The following LRRC4C variants were observed in gnomAD, a reference collection of about 807,000 sequenced individuals.
The protein encoded by LRRC4C is leucine-rich repeat-containing protein 4C.
In LRRC4C, 5 loss-of-function variants were observed where a neutral mutation model predicts 33.6. The observed-to-expected ratio is 0.15, with a 90% CI of 0.08 to 0.31. LRRC4C has a LOEUF of 0.31. Ranked by LOEUF, LRRC4C falls within the 10% of genes least tolerant of loss-of-function variation. LRRC4C has a pLI of 1.00. For missense variants in LRRC4C, 560 were observed against 796.7 expected (o/e 0.70, Z 3.58); for synonymous variants, 329 against 302.0 (o/e 1.09, Z -0.93).
At chr11:40,961,676 A>G (rs1313448491) in intron 1 of LRRC4C, among the ~76,000 whole-genome samples, 1 of 151,690 alleles carries the variant, frequency 6.6e-6, no homozygotes, top group Admixed American at 6.6e-5. Context: ...AGTTCATCAC[A>G]TATAATGGTC....
chr11:40,373,532 A>T (rs902198756), intron 3 of LRRC4C, among the ~76,000 whole-genome samples: 1 of 152,182 alleles, frequency 6.6e-6, no homozygotes, highest in African/African-American at 2.4e-5. Flanking sequence ...AATGAAAAAA[A>T]GTCCAAATAA....
intron 1 of LRRC4C, among the ~76,000 whole-genome samples, chr11:41,304,670 T>TG (rs1950418734): frequency 2.2e-5 from 2 of 92,642 alleles, no homozygotes; most frequent in African/African-American, 4.3e-5. Flanking sequence ...GGGAGGGAGG[T>TG]TGGGGGGTCA....
intron 2 of LRRC4C, among the ~76,000 whole-genome samples, chr11:40,908,902 C>T (rs928368986): frequency 6.6e-6 from 1 of 152,130 alleles, no homozygotes; most frequent in African/African-American, 2.4e-5. Context: ...TAGCAAAGCA[C>T]TGGGCTGGGT....
intron 2 of LRRC4C, among the ~76,000 whole-genome samples, chr11:40,866,371 A>G (rs1453785936): frequency 6.6e-6 from 1 of 152,218 alleles, no homozygotes; most frequent in Non-Finnish European, 1.5e-5. Flanking sequence ...TGGGCAAAGC[A>G]TTAAATGTTA....
At chr11:41,213,589 A>G (rs1298416635) in intron 1 of LRRC4C, among the ~76,000 whole-genome samples, 2 of 152,232 alleles carry the variant, frequency 1.3e-5, no homozygotes, top group African/African-American at 4.8e-5. Flanking sequence ...GAGTGATCAC[A>G]TTACGTTTTT....
chr11:40,666,748 A>C (rs4237681), intron 2 of LRRC4C, among the ~76,000 whole-genome samples: 79,955 of 151,718 alleles, frequency 0.53, 22,381 homozygotes, highest in East Asian at 0.71. Flanking sequence ...AGAAAAGAGC[A>C]ATTAGAAAAT....
intron 1 of LRRC4C, among the ~76,000 whole-genome samples, chr11:41,369,356 T>A (rs1401547763): frequency 6.6e-6 from 1 of 151,872 alleles, no homozygotes; most frequent in Non-Finnish European, 1.5e-5. Flanking sequence ...GAAAGATGAA[T>A]GACACACACT....
chr11:41,269,199 C>T (rs577378665), intron 1 of LRRC4C, among the ~76,000 whole-genome samples: 1 of 152,026 alleles, frequency 6.6e-6, no homozygotes, highest in African/African-American at 2.4e-5. Flanking sequence ...TTTTAATGGG[C>T]AAATTACAAT....
At chr11:40,569,255 G>T (rs1292632581) in intron 3 of LRRC4C, among the ~76,000 whole-genome samples, 2 of 152,098 alleles carry the variant, frequency 1.3e-5, no homozygotes, top group Non-Finnish European at 2.9e-5. Flanking sequence ...TGAATGGACA[G>T]CCTGAATTTA....
intron 6 of LRRC4C, among the ~76,000 whole-genome samples, chr11:40,136,276 T>C (rs543686932): frequency 9.9e-5 from 15 of 152,166 alleles, no homozygotes; most frequent in African/African-American, 3.6e-4. Context: ...TTTTTTCTTT[T>C]TCTTTTTGAT....
intron 1 of LRRC4C, among the ~76,000 whole-genome samples, chr11:41,096,583 G>T (rs1940823719): frequency 6.6e-6 from 1 of 152,118 alleles, no homozygotes; most frequent in Non-Finnish European, 1.5e-5. Context: ...TGTGTTTATA[G>T]TAAACATATT....
In LRRC4C at chr11:40,955,348, G is replaced by T. The variant is rs1958908154; in HGVS notation, c.-495-21625C>A. ...ATGTCTCTGTATTCTATAGGAGGAAGTATAAAAGGTGATCAAAATTTTCTT... is the reference window on the plus strand; with the variant it reads ...ATGTCTCTGTATTCTATAGGAGGAATTATAAAAGGTGATCAAAATTTTCTT... On this transcript the variant is annotated intron_variant, in intron 1 of 6. Coordinates refer to ENST00000528697, the MANE Select transcript of LRRC4C (RefSeq NM_001258419.2). Among the ~76,000 whole-genome samples the T allele has an allele frequency of 2.0e-5, 3 of 151,706 alleles. No individual in the cohort carries two copies. The South Asian group carries it at 6.2e-4, about 31-fold the overall frequency.
intron 1 of LRRC4C, among the ~76,000 whole-genome samples, chr11:41,004,039 C>G (rs904340562): frequency 5.3e-5 from 8 of 151,980 alleles, no homozygotes; most frequent in Non-Finnish European, 5.9e-5. Flanking sequence ...GGATAGAAAA[C>G]AGGAAGTTTT....
chr11:40,115,848 T>C lies in LRRC4C; in HGVS notation c.445A>G (p.Lys149Glu), dbSNP rs756761523. 1 of 1,614,054 alleles carries C rather than the reference T, an allele frequency of 6.2e-7. No homozygotes were observed. The highest frequency in any genetic ancestry group is 1.3e-5 in the African/African-American group (1 of 74,934). ...TTTCGCAACCAGAGCTCCTTCAGTT[T>C]AGACAAGTATACAAAAGCTCCATTC... ...IPNGAFVYLSKLKELWLRNNP... is the reference protein window; with the variant it reads ...IPNGAFVYLSELKELWLRNNP... The change falls in exon 7 of 7, where the codon AAA (lysine) becomes GAA (glutamate). Residue 149 changes from lysine to glutamate, a missense_variant. Physicochemically the swap from Lys to Glu is moderately conservative, Grantham distance 56. Around this residue, in one of 3 missense-constraint regions of LRRC4C, gnomAD observed 455 missense variants for 643.8 expected, o/e 0.71. Coordinates refer to ENST00000528697, the MANE Select transcript of LRRC4C (RefSeq NM_001258419.2). The surrounding 1 kb of genome is among the most constrained non-coding windows in gnomAD (Gnocchi z 6.7).
At chr11:40,388,154 G>A (rs2137420975) in intron 3 of LRRC4C, among the ~76,000 whole-genome samples, 1 of 152,208 alleles carries the variant, frequency 6.6e-6, no homozygotes, top group Middle Eastern at 3.4e-3. Context: ...TGGAAAGAGA[G>A]GCTGTTTTTC....
At chr11:40,375,805 C>T (rs1399181522) in intron 3 of LRRC4C, among the ~76,000 whole-genome samples, 1 of 152,042 alleles carries the variant, frequency 6.6e-6, no homozygotes, top group Non-Finnish European at 1.5e-5. Flanking sequence ...GACAGGCTAC[C>T]ACGGGAGTCA....
At chr11:40,491,712 C>T (rs570458439) in intron 3 of LRRC4C, among the ~76,000 whole-genome samples, 22 of 152,230 alleles carry the variant, frequency 1.4e-4, no homozygotes, top group South Asian at 1.2e-3. Context: ...TCTGCTAGAA[C>T]GTGCTTCCTA....
intron 1 of LRRC4C, among the ~76,000 whole-genome samples, chr11:41,328,646 A>C (rs1027097412): frequency 4.6e-5 from 7 of 151,996 alleles, no homozygotes; most frequent in Admixed American, 1.3e-4. Flanking sequence ...TAGAACTCCC[A>C]ACACTCTTTC....
intron 3 of LRRC4C, among the ~76,000 whole-genome samples, chr11:40,586,092 A>G (rs563635987): frequency 4.1e-5 from 6 of 145,260 alleles, no homozygotes; most frequent in East Asian, 4.0e-4. Context: ...TCCCACCAAC[A>G]GTGTAAAAGT....
Sources: allele counts gnomAD v4.1 joint callset (sites outside exome capture counted in the v4.1 genomes callset), GRCh38; gene constraint gnomAD v4.1.1; regional missense constraint gnomAD v4.1.1; non-coding constraint Gnocchi (gnomAD v3.1); transcripts MANE v1.5; gene names NCBI Gene and HGNC (gene_info 2026-07-23, HGNC 2026-07-21).